Variants in KYAT3 observed in about 807,000 individuals in gnomAD.
KYAT3 encodes kynurenine--oxoglutarate transaminase 3.
A neutral mutation model predicts 59.0 loss-of-function variants in KYAT3; 50 were observed. The observed-to-expected ratio is 0.85, with a 90% CI of 0.68 to 1.07. The LOEUF is 1.07. Ranked by LOEUF, KYAT3 falls within the 50% of genes least tolerant of loss-of-function variation. KYAT3 has a pLI of 0.00. For missense variants in KYAT3, 497 were observed against 533.3 expected, an observed-to-expected ratio of 0.93 and a Z score of 0.67; for synonymous variants, 148 against 177.0, an observed-to-expected ratio of 0.84 and a Z score of 1.30.
chr1:88,954,767 T>C (rs947562419), intron 9 of KYAT3, among the ~76,000 whole-genome samples: 1 of 152,198 alleles, frequency 6.6e-6, no homozygotes, highest in East Asian at 1.9e-4. Flanking sequence ...ATTTATTTGT[T>C]TACTTATTTA....
At position 88,935,805 on chromosome 1, in the gene KYAT3, G is replaced by A. The variant is rs1025766111; in HGVS notation, c.*378C>T. 5.0e-6 allele frequency: 2 copies of A among 398,472 alleles called. No individual in the cohort carries two copies. The highest frequency in any genetic ancestry group is 4.1e-5 in the African/African-American group (2 of 48,628). 24.7% of individuals were successfully genotyped at this position (398,472 alleles called of 1,614,324 possible). A position where few individuals can be genotyped will look rare whatever the true frequency, so the allele number is the denominator to read the frequency against. ...AAAGTCAGATGAGTGTTTATTGTTT[G>A]CCAGGCTTTTTGCATACATTAGTCC... On this transcript the variant is annotated 3_prime_UTR_variant, in exon 14 of 14. Coordinates refer to ENST00000260508, the MANE Select transcript of KYAT3 (RefSeq NM_001008661.3).
At chr1:88,922,841 C>T in the KYAT3 span, among the ~76,000 whole-genome samples, 1 of 152,184 alleles carries the variant, frequency 6.6e-6, no homozygotes, top group Non-Finnish European at 1.5e-5. Context: ...ATCCCATTGG[C>T]CACAGTGATT....
At chr1:88,958,981 CATAA>C in intron 8 of KYAT3, among the ~76,000 whole-genome samples, 1 of 152,144 alleles carries the variant, frequency 6.6e-6, no homozygotes, top group Non-Finnish European at 1.5e-5. Context: ...AACACACCCT[CATAA>C]ATCAAACTGA....
chr1:88,964,947 T>C lies in KYAT3; in HGVS notation c.335A>G (p.Tyr112Cys), dbSNP rs1232150087. Residue 112 changes from tyrosine to cysteine, a missense_variant, in exon 5 of 14, where the codon TAT becomes TGT. This residue lies in a region of KYAT3 where 469 missense variants were observed against 479.1 expected (regional missense o/e 0.98). Transcript: ENST00000260508. ...CTTTTGATAAAGCTTTTCATACAGA[T>C]AGGACAGAGCTTTCACAAGTGATGG... ...GHPSLVKALS[Y>C]LYEKLYQKQI... 10 of 1,607,210 alleles carry C rather than the reference T, an allele frequency of 6.2e-6. No homozygotes were observed. Among genetic ancestry groups the C allele is most frequent in the Non-Finnish European group, 8.5e-6 (10 of 1,178,458 alleles).
intron 9 of KYAT3, among the ~76,000 whole-genome samples, chr1:88,954,482 C>T (rs143325995): frequency 6.6e-6 from 1 of 152,108 alleles, no homozygotes; most frequent in Non-Finnish European, 1.5e-5. Flanking sequence ...ACATTTAGAA[C>T]CTGGTATATA....
chr1:88,955,330 G>T, intron 8 of KYAT3, 105 bp from the exon 9 acceptor site: 8 of 680,618 alleles, frequency 1.2e-5, no homozygotes, highest in South Asian at 3.8e-5. Flanking sequence ...AAATAAGTGT[G>T]TTATAATTTA....
downstream of KYAT3, among the ~76,000 whole-genome samples, chr1:88,935,562 G>C (rs1675003572): frequency 6.6e-6 from 1 of 152,174 alleles, no homozygotes; most frequent in Non-Finnish European, 1.5e-5. Flanking sequence ...CAGAGGTGAG[G>C]ATGTCAAAGT....
At chr1:88,961,553 T>G (rs1676147536) in intron 6 of KYAT3, 47 bp from the exon 7 acceptor site, 15 of 1,521,588 alleles carry the variant, frequency 9.9e-6, no homozygotes, top group Non-Finnish European at 1.3e-5. Flanking sequence ...TAAGTCATGT[T>G]TACTGTCTTA....
intron 2 of KYAT3, among the ~76,000 whole-genome samples, chr1:88,972,527 C>T (rs114755567): frequency 2.0e-5 from 3 of 152,144 alleles, no homozygotes; most frequent in Non-Finnish European, 4.4e-5. Flanking sequence ...AGCTAAAGTT[C>T]GTTTATGCTT....
downstream of KYAT3, among the ~76,000 whole-genome samples, chr1:88,932,543 A>G (rs28542182): frequency 0.05 from 7,677 of 152,098 alleles, 584 homozygotes; most frequent in African/African-American, 0.16. Flanking sequence ...GCCCAGGCTG[A>G]AGTGCAGTGG....
the KYAT3 span, among the ~76,000 whole-genome samples, chr1:88,929,389 C>T: frequency 2.8e-4 from 42 of 152,164 alleles, no homozygotes; most frequent in Non-Finnish European, 5.9e-5. Flanking sequence ...GTTTACAGTC[C>T]TGGACCTAAA....
At chr1:88,960,041 C>T (rs1163589987) in intron 8 of KYAT3, among the ~76,000 whole-genome samples, 1 of 21,706 alleles carries the variant, frequency 4.6e-5, no homozygotes, top group Non-Finnish European at 8.9e-5. Context: ...TCAAGGGATC[C>T]TCCCACCTCA....
At chr1:88,954,868 C>T (rs2101035237) in intron 9 of KYAT3, among the ~76,000 whole-genome samples, 1 of 152,302 alleles carries the variant, frequency 6.6e-6, no homozygotes, top group South Asian at 2.1e-4. Flanking sequence ...CGCAAGTGAT[C>T]CTCCCATTTC....
At chr1:88,983,623 G>T in intron 2 of KYAT3, 2 of 1,613,990 alleles carry the variant, frequency 1.2e-6, no homozygotes. Flanking sequence ...TTCCATTCAT[G>T]TCTCTGGCTG....
downstream of KYAT3, among the ~76,000 whole-genome samples, chr1:88,934,526 G>A (rs1219205685): frequency 6.6e-6 from 1 of 152,134 alleles, no homozygotes; most frequent in Non-Finnish European, 1.5e-5. Context: ...ATAGACTTAT[G>A]TCTAGTTCGT....
At chr1:88,942,586 G>A (rs902636719) in intron 13 of KYAT3, among the ~76,000 whole-genome samples, 11 of 151,094 alleles carry the variant, frequency 7.3e-5, no homozygotes, top group East Asian at 1.9e-4. Flanking sequence ...TTTTTGAGAC[G>A]GAGTCGCGCT....
chr1:88,981,112 G>C (rs1042218945), intron 2 of KYAT3: 2 of 152,212 alleles, frequency 1.3e-5, no homozygotes, highest in Non-Finnish European at 2.9e-5. Flanking sequence ...GGGAGGTAAA[G>C]CAGGCTTATA....
chr1:88,976,953 A>G (rs1386441156), intron 2 of KYAT3, among the ~76,000 whole-genome samples: 1 of 152,250 alleles, frequency 6.6e-6, no homozygotes, highest in African/African-American at 2.4e-5. Flanking sequence ...TAAAAAGTTT[A>G]TAAGGTAAAA....
chr1:88,983,624 T>C (rs1024330343), intron 2 of KYAT3: 1 of 1,614,026 alleles, frequency 6.2e-7, no homozygotes, highest in Non-Finnish European at 8.5e-7. Context: ...TCCATTCATG[T>C]CTCTGGCTGC....
Sources: allele counts gnomAD v4.1 joint callset (sites outside exome capture counted in the v4.1 genomes callset), GRCh38; gene constraint gnomAD v4.1.1; regional missense constraint gnomAD v4.1.1; transcripts MANE v1.5; gene names NCBI Gene and HGNC (gene_info 2026-07-23, HGNC 2026-07-21).